The following KIF15 variants were observed in gnomAD, a reference collection of about 807,000 sequenced individuals.
The protein encoded by KIF15 is kinesin-like protein KIF15.
A neutral mutation model predicts 190.6 loss-of-function variants in KIF15; 140 were observed. The observed-to-expected ratio is 0.73, with a 90% CI of 0.64 to 0.84. The LOEUF (loss-of-function observed/expected upper bound fraction) is 0.84, where lower values mean the gene tolerates loss of function less well. Ranked by LOEUF, KIF15 falls within the 40% of genes least tolerant of loss-of-function variation. KIF15 has a pLI of 0.00. For synonymous variants in KIF15, 528 were observed against 551.3 expected (o/e 0.96, Z 0.59); for missense variants, 1,372 against 1,584.4 (o/e 0.87, Z 2.28).
chr3:44,830,415 T>A (rs1321338205), intron 25 of KIF15, among the ~76,000 whole-genome samples: 3 of 152,162 alleles, frequency 2.0e-5, no homozygotes, highest in Admixed American at 6.5e-5. Context: ...AATGTGGTGT[T>A]TTTTAGTGGC....
At chr3:44,812,902 T>A (rs967486253) in intron 18 of KIF15, among the ~76,000 whole-genome samples, 173 bp from the exon 19 acceptor site, 1 of 152,030 alleles carries the variant, frequency 6.6e-6, no homozygotes, top group African/African-American at 2.4e-5. Context: ...GGAGAATCAC[T>A]TGAACCCAGG....
intron 27 of KIF15, among the ~76,000 whole-genome samples, chr3:44,838,747 C>CA (rs779928383): frequency 0.11 from 8,017 of 74,102 alleles, 402 homozygotes; most frequent in African/African-American, 0.2. Context: ...GACCCTGTCT[C>CA]AAAAAAAAAA....
chr3:44,805,314 A>G (rs946438244), intron 15 of KIF15, 146 bp downstream of exon 15: 3 of 759,426 alleles, frequency 4.0e-6, no homozygotes, highest in Non-Finnish European at 6.3e-6. Flanking sequence ...GAGAAAGAGC[A>G]TGCTTCTAGC....
intron 10 of KIF15, 138 bp from the exon 11 acceptor site, chr3:44,800,176 T>G: frequency 1.4e-6 from 1 of 725,954 alleles, no homozygotes; most frequent in South Asian, 2.0e-5. Flanking sequence ...CTGTGATTCC[T>G]GTGTCCTTTT....
intron 8 of KIF15, among the ~76,000 whole-genome samples, chr3:44,796,808 A>G (rs1707009650): frequency 6.6e-6 from 1 of 152,116 alleles, no homozygotes; most frequent in Non-Finnish European, 1.5e-5. Context: ...ATTCTCCTCA[A>G]ATAAGTTCAT....
At chr3:44,782,251 C>T (rs748634326) in intron 5 of KIF15, among the ~76,000 whole-genome samples, 5 of 151,892 alleles carry the variant, frequency 3.3e-5, no homozygotes, top group African/African-American at 7.3e-5. Flanking sequence ...GGGTGGGGGG[C>T]GCGTCTCACC....
At chr3:44,782,072 C>T (rs143507542) in intron 5 of KIF15, among the ~76,000 whole-genome samples, 11 of 151,448 alleles carry the variant, frequency 7.3e-5, no homozygotes, top group African/African-American at 1.9e-4. Flanking sequence ...TTTTTTGAGA[C>T]GGAGCCTGCC....
At chr3:44,762,642 GGATTAGAT>G (rs1296009184) in intron 1 of KIF15, among the ~76,000 whole-genome samples, 1 of 152,156 alleles carries the variant, frequency 6.6e-6, no homozygotes, top group Non-Finnish European at 1.5e-5. Flanking sequence ...GGAGAGGCCT[GGATTAGAT>G]GATTAAGAAT....
chr3:44,818,128 TAAG>T (rs1288216230), intron 20 of KIF15, among the ~76,000 whole-genome samples: 1 of 152,218 alleles, frequency 6.6e-6, no homozygotes, highest in African/African-American at 2.4e-5. Context: ...CTTATCAGCT[TAAG>T]GAGATTTTGG....
At chr3:44,817,322 A>G (rs1338612860) in intron 20 of KIF15, among the ~76,000 whole-genome samples, 1 of 152,182 alleles carries the variant, frequency 6.6e-6, no homozygotes, top group African/African-American at 2.4e-5. Flanking sequence ...GCCCATGCGT[A>G]TGTCTTGAAT....
At chr3:44,793,228 G>C (rs1706804643) in intron 7 of KIF15, among the ~76,000 whole-genome samples, 2 of 152,178 alleles carry the variant, frequency 1.3e-5, no homozygotes, top group South Asian at 4.1e-4. Flanking sequence ...CTAGTAAATA[G>C]TGGAGCCATG....
Position 44,803,116 on chromosome 3 carries a change from C to T in KIF15, c.1687+125C>T, listed in dbSNP as rs754496235. ...GCCTGCTATGCTAATGTCTTATACA[C>T]ATATTCTTTTATATTATAGAAAGGT... On this transcript the variant is annotated intron_variant, in intron 14 of 34. Coordinates refer to ENST00000326047, the MANE Select transcript of KIF15 (RefSeq NM_020242.3). 15 of 655,926 alleles carry T rather than the reference C, an allele frequency of 2.3e-5. No homozygotes were observed. In the South Asian group the frequency reaches 5.1e-4, roughly 22 times the overall value. The allele number at this position is 655,926 out of a possible 1,614,324, so 40.6% of individuals were successfully genotyped here. A position where few individuals can be genotyped will look rare whatever the true frequency, so the allele number is the denominator to read the frequency against.
chr3:44,839,360 G>C (rs1698480725), intron 27 of KIF15, among the ~76,000 whole-genome samples: 1 of 151,754 alleles, frequency 6.6e-6, no homozygotes, highest in Non-Finnish European at 1.5e-5. Flanking sequence ...GCGACAGAGA[G>C]AGACTCCATC....
At chr3:44,808,382 A>G (rs1396675933) in intron 16 of KIF15, among the ~76,000 whole-genome samples, 2 of 152,164 alleles carry the variant, frequency 1.3e-5, no homozygotes, top group Non-Finnish European at 2.9e-5. Context: ...CTACTATATG[A>G]ATACATTCTC....
chr3:44,821,502 G>A (rs80073924), intron 20 of KIF15, among the ~76,000 whole-genome samples: 1 of 151,728 alleles, frequency 6.6e-6, no homozygotes, highest in Admixed American at 6.6e-5. Context: ...CGGGGCAGAG[G>A]CGCTCCCCAC....
intron 30 of KIF15, among the ~76,000 whole-genome samples, chr3:44,844,371 C>T (rs919113552): frequency 6.6e-6 from 1 of 152,158 alleles, no homozygotes; most frequent in Non-Finnish European, 1.5e-5. Context: ...TAAAAAAGCA[C>T]GTGCCTCCCT....
At chr3:44,852,587 T>C (rs1056471650) in intron 34 of KIF15, 86 bp from the exon 35 acceptor site, 9 of 990,306 alleles carry the variant, frequency 9.1e-6, no homozygotes, top group Admixed American at 7.7e-5. Flanking sequence ...ATTTGAAATA[T>C]ACACCTAATA....
At chr3:44,854,010 C>T (rs1699152198), downstream of KIF15, among the ~76,000 whole-genome samples, 1 of 152,142 alleles carries the variant, frequency 6.6e-6, no homozygotes, top group Admixed American at 6.6e-5. Flanking sequence ...AATGACTGGG[C>T]ACACGGGAAC....
At chr3:44,866,763 A>T (rs1699326791) in intron 6 of KIF15, among the ~76,000 whole-genome samples, 1 of 152,174 alleles carries the variant, frequency 6.6e-6, no homozygotes, top group Non-Finnish European at 1.5e-5. Flanking sequence ...CACTCCAACA[A>T]GAGTTCTCTT....
Sources: gnomAD v4.1 joint callset for allele counts (sites outside exome capture counted in the v4.1 genomes callset) on GRCh38, gnomAD v4.1.1 for gene constraint, MANE v1.5 for transcripts, NCBI Gene and HGNC (gene_info 2026-07-23, HGNC 2026-07-21) for gene names.